The following HEG1 variants were observed in gnomAD, a reference collection of about 807,000 sequenced individuals.
The protein encoded by HEG1 is heart development protein with EGF like domains 1.
A neutral mutation model predicts 125.6 loss-of-function variants in HEG1; 56 were observed. That is an observed-to-expected ratio of 0.45 (90% CI 0.36 to 0.56). The LOEUF (loss-of-function observed/expected upper bound fraction) is 0.56. Ranked by LOEUF, HEG1 falls within the 20% of genes least tolerant of loss-of-function variation. The pLI is 0.00. For synonymous variants in HEG1, 644 were observed against 668.5 expected, an observed-to-expected ratio of 0.96 and a Z score of 0.57; for missense variants, 1,523 against 1,670.0, an observed-to-expected ratio of 0.91 and a Z score of 1.53.
intron 1 of HEG1, among the ~76,000 whole-genome samples, chr3:125,054,741 G>T (rs1937891505): frequency 1.3e-5 from 2 of 152,192 alleles, no homozygotes; most frequent in Admixed American, 6.5e-5. Context: ...TCACTAGGAG[G>T]CTAGAAGGAA....
In HEG1 at chr3:124,990,323, TTTG is replaced by T. The variant is rs1403900637; in HGVS notation, c.3733+461_3733+463del. Among the ~76,000 whole-genome samples, 11 of 149,346 alleles carry T rather than the reference TTTG, an allele frequency of 7.4e-5. No homozygotes were observed. In the Admixed American group the frequency reaches 7.5e-4, roughly 10 times the overall value. On this transcript the variant is annotated intron_variant, in intron 14 of 16. Coordinates refer to ENST00000311127, the MANE Select transcript of HEG1 (RefSeq NM_020733.2). ...CAGTCAAGTCTTTCTCTTTGTTTTT[TTTG>T]TTGTTGTTTTTTGGGTTTTTTTTTT...
chr3:125,055,982 G>C lies in HEG1; in HGVS notation c.-92C>G. 2 of 675,546 alleles carry C rather than the reference G, an allele frequency of 3.0e-6. No homozygotes were observed. Among genetic ancestry groups the C allele is most frequent in the Non-Finnish European group, 3.7e-6 (2 of 547,410 alleles). 41.8% of individuals were successfully genotyped at this position (675,546 alleles called of 1,614,324 possible). On this transcript the variant is annotated 5_prime_UTR_variant, in exon 1 of 17. Transcript: ENST00000311127. ...GGGCGGCGGGGGCCGCGCGGGGCCG[G>C]GGAAGTGAGCGGAGTGAGGCTGCGA...
At chr3:124,976,437 C>T (rs1369850424) in intron 15 of HEG1, among the ~76,000 whole-genome samples, 1 of 152,012 alleles carries the variant, frequency 6.6e-6, no homozygotes, top group African/African-American at 2.4e-5. Context: ...ATCCACTCGC[C>T]TCGAACTCCC....
chr3:125,014,121 G>A (rs1243864950), intron 5 of HEG1, 131 bp from the exon 6 acceptor site: 4 of 865,932 alleles, frequency 4.6e-6, no homozygotes, highest in Non-Finnish European at 6.9e-6. Flanking sequence ...CTTTGGAGAG[G>A]TGGTTTTCAA....
intron 5 of HEG1, chr3:125,014,668 T>G: frequency 5.9e-5 from 71 of 1,197,616 alleles, no homozygotes; most frequent in Non-Finnish European, 7.1e-5. Context: ...AATTAATAGA[T>G]GAGCTGAAGG....
chr3:124,981,070 C>T (rs1317556815), intron 14 of HEG1, among the ~76,000 whole-genome samples: 1 of 151,556 alleles, frequency 6.6e-6, no homozygotes, highest in Non-Finnish European at 1.5e-5. Flanking sequence ...AACTCCTGGC[C>T]CCAAGTGGTC....
At chr3:124,985,853 C>T (rs1480868669) in intron 14 of HEG1, among the ~76,000 whole-genome samples, 2 of 152,242 alleles carry the variant, frequency 1.3e-5, no homozygotes, top group African/African-American at 4.8e-5. Flanking sequence ...TCTCGGCTTA[C>T]TGTAGCCTCT....
In HEG1 at chr3:125,006,452, A is replaced by G. The variant is rs183326119; in HGVS notation, c.3194-1084T>C. ...CCTCCGGATGGAAAACAAATAACTC[A>G]AGACACAGAAGTCCATGAAGCTGCT... On this transcript the variant is annotated intron_variant, in intron 8 of 16. Coordinates refer to ENST00000311127, the MANE Select transcript of HEG1 (RefSeq NM_020733.2). 1.8e-3 allele frequency among the ~76,000 whole-genome samples: 267 copies of G among 152,322 alleles called. 1 individual carries two copies. The highest frequency in any genetic ancestry group is 6.3e-3 in the African/African-American group (262 of 41,570).
chr3:125,014,054 A>C (rs1937205884), intron 5 of HEG1, 64 bp from the exon 6 acceptor site: 1 of 1,372,774 alleles, frequency 7.3e-7, no homozygotes, highest in Non-Finnish European at 9.8e-7. Context: ...AATATGCACT[A>C]TCAAACAGAC....
intron 1 of HEG1, among the ~76,000 whole-genome samples, chr3:125,032,058 T>G (rs1281480159): frequency 6.6e-6 from 1 of 152,260 alleles, no homozygotes; most frequent in Non-Finnish European, 1.5e-5. Flanking sequence ...TGAGATATTT[T>G]ATATTCTTTT....
chr3:125,032,945 A>G (rs1201386112), intron 1 of HEG1, among the ~76,000 whole-genome samples: 1 of 152,034 alleles, frequency 6.6e-6, no homozygotes, highest in Non-Finnish European at 1.5e-5. Context: ...AGCTCAGGGA[A>G]CTCCAGTGCA....
chr3:125,009,623 G>A (rs2107699251), intron 8 of HEG1, 82 bp downstream of exon 8: 3 of 1,391,964 alleles, frequency 2.2e-6, no homozygotes, highest in South Asian at 1.5e-5. Flanking sequence ...ACTGATTTTG[G>A]TTAGCAAGAA....
intron 15 of HEG1, among the ~76,000 whole-genome samples, chr3:124,975,136 T>C (rs188904362): frequency 2.4e-4 from 36 of 152,338 alleles, no homozygotes; most frequent in South Asian, 2.1e-4. Context: ...TGGAAAATAA[T>C]AGGCAAAGGC....
chr3:125,009,829 A>G lies in HEG1; in HGVS notation c.3074-5T>C. 6.2e-7 allele frequency: 1 copy of G among 1,608,794 alleles called. No individual in the cohort carries two copies. On this transcript the variant is annotated splice_region_variant and splice_polypyrimidine_tract_variant and intron_variant, in intron 7 of 16. Transcript: ENST00000311127. ...TCGACAGGCACTCATTCACATCTGT[A>G]GAGGAGAAAAAAGAAGAACATCTTG... is the stretch of plus-strand genomic sequence containing the variant.
At position 125,027,422 on chromosome 3, in the gene HEG1, C is replaced by T. The variant is rs573297919; in HGVS notation, c.696G>A (p.Ser232=). The change falls in exon 3 of 17, where the codon TCG becomes TCA. Residue 232 remains serine, a synonymous_variant. Coordinates refer to ENST00000311127, the MANE Select transcript of HEG1 (RefSeq NM_020733.2). Reference sequence around the variant, plus strand: ...CCATCGCCCTCTCTGTTCCCATCTCCGAGGCTGTTCCACTCTTTGTTTGAA... The same window carrying T: ...CCATCGCCCTCTCTGTTCCCATCTCTGAGGCTGTTCCACTCTTTGTTTGAA... ...AAFQTKSGTA[S]EMGTERAMGL... 137 of 1,613,844 alleles carry T rather than the reference C, an allele frequency of 8.5e-5. No homozygotes were observed. Among genetic ancestry groups the T allele is most frequent in the East Asian group, 3.8e-4 (17 of 44,892 alleles).
Position 125,019,435 on chromosome 3 carries a change from C to A in HEG1, c.1415G>T (p.Ser472Ile). 1 of 1,614,022 alleles carries A rather than the reference C, an allele frequency of 6.2e-7. No individual in the cohort carries two copies. Among genetic ancestry groups the A allele is most frequent in the East Asian group, 2.2e-5 (1 of 44,888 alleles). Residue 472 changes from serine to isoleucine, a missense_variant, in exon 5 of 17, where the codon AGC becomes ATC. Transcript: ENST00000311127. ...CACACCTTCAGGATATGAAGCAGAG[C>A]TTCCTGTCACATCTGCAGATGTTGT... Reference protein sequence around the residue: ...NSTTSADVTGSSASYPEGVNA... With the variant: ...NSTTSADVTGISASYPEGVNA...
intron 14 of HEG1, among the ~76,000 whole-genome samples, chr3:124,985,980 G>T (rs955770693): frequency 2.6e-5 from 4 of 152,102 alleles, no homozygotes; most frequent in Non-Finnish European, 4.4e-5. Flanking sequence ...GTTTCACCAG[G>T]TTGGCCAGTC....
At chr3:125,046,162 C>T (rs1453838840) in intron 1 of HEG1, among the ~76,000 whole-genome samples, 1 of 152,070 alleles carries the variant, frequency 6.6e-6, no homozygotes, top group Non-Finnish European at 1.5e-5. Context: ...CATCTCTCCC[C>T]AACTCTGCTA....
At position 124,966,868 on chromosome 3, in the gene HEG1, G is replaced by C. The variant is rs1936323747; in HGVS notation, c.*3784C>G. On this transcript the variant is annotated 3_prime_UTR_variant, in exon 17 of 17. Transcript: ENST00000311127. ...ATGCAGGCACCAAAAAGCCACACGT[G>C]GTGGGTGACCCAAAGGTGCCTGCTC... 3.3e-5 allele frequency: 5 copies of C among 152,232 alleles called. No homozygotes were observed. 9.4% of individuals were successfully genotyped at this position (152,232 alleles called of 1,614,324 possible).
Sources: allele counts gnomAD v4.1 joint callset (sites outside exome capture counted in the v4.1 genomes callset), GRCh38; gene constraint gnomAD v4.1.1; transcripts MANE v1.5; gene names NCBI Gene and HGNC (gene_info 2026-07-23, HGNC 2026-07-21).